Variants in AGAP1 observed in about 807,000 individuals in gnomAD.
The protein encoded by AGAP1 is arf-GAP with GTPase, ANK repeat and PH domain-containing protein 1.
A neutral mutation model predicts 105.3 loss-of-function variants in AGAP1; 29 were observed. The observed-to-expected ratio is 0.28, with a 90% CI of 0.21 to 0.38. AGAP1 has a LOEUF of 0.38. Among genes scored for constraint, AGAP1 ranks in the 10% least tolerant of loss-of-function variants. The pLI, the probability that AGAP1 is intolerant of heterozygous loss-of-function variation, is 1.00. For synonymous variants in AGAP1, 509 were observed against 485.9 expected, an observed-to-expected ratio of 1.05 and a Z score of -0.63; for missense variants, 998 against 1,165.1, an observed-to-expected ratio of 0.86 and a Z score of 2.09.
At chr2:235,520,183 C>T (rs991803788) in intron 1 of AGAP1, among the ~76,000 whole-genome samples, 9 of 152,258 alleles carry the variant, frequency 5.9e-5, no homozygotes, top group Non-Finnish European at 5.9e-5. Context: ...CACATGACCA[C>T]ATTACCACAC....
rs1389058102 is a variant in AGAP1 at position 235,993,850 on chromosome 2, C to T, written c.1645+25227C>T. 1.3e-5 allele frequency among the ~76,000 whole-genome samples: 2 copies of T among 152,182 alleles called. No homozygotes were observed. Among genetic ancestry groups the T allele is most frequent in the Non-Finnish European group, 2.9e-5 (2 of 68,042 alleles). ...CTTGGAGAAAGTGGAGTTTTAATTACTTACCCAGCAACATTCAGGACGTCC... is the reference window on the plus strand; with the variant it reads ...CTTGGAGAAAGTGGAGTTTTAATTATTTACCCAGCAACATTCAGGACGTCC... On this transcript the variant is annotated intron_variant, in intron 13 of 17. Transcript: ENST00000304032. The surrounding 1 kb of genome is among the most constrained non-coding windows in gnomAD (Gnocchi z 5.0).
chr2:236,103,704 G>A (rs1458988180), intron 16 of AGAP1, among the ~76,000 whole-genome samples: 1 of 151,958 alleles, frequency 6.6e-6, no homozygotes, highest in Non-Finnish European at 1.5e-5. Context: ...CAAGTAGCTG[G>A]GATTATAGGC....
chr2:235,729,120 G>A lies in AGAP1; in HGVS notation c.310+11476G>A, dbSNP rs1410362975. 2.6e-5 allele frequency among the ~76,000 whole-genome samples: 4 copies of A among 152,144 alleles called. No homozygotes were observed. Among genetic ancestry groups the A allele is most frequent in the Non-Finnish European group, 5.9e-5 (4 of 68,034 alleles). On this transcript the variant is annotated intron_variant, in intron 3 of 17. Transcript: ENST00000304032. This position sits in a 1 kb window ranked among gnomAD's most constrained non-coding sequence, Gnocchi z 5.0. ...CTGGCTTTGGAGGGGGACCTAAGAG[G>A]ACAGATAGGGGAATCCCCAGGCCAC... is the stretch of plus-strand genomic sequence containing the variant.
chr2:235,609,564 G>T lies in AGAP1; in HGVS notation c.164-99615G>T, dbSNP rs1473711068. On this transcript the variant is annotated intron_variant, in intron 1 of 17. Transcript: ENST00000304032. This position sits in a 1 kb window ranked among gnomAD's most constrained non-coding sequence, Gnocchi z 5.1. ...ATGTCTTGAGTTTTCAGTAGAGAAG[G>T]CCTGCTCCTCACTTTGACCCCGGAC... Among the ~76,000 whole-genome samples, 1 of 152,148 alleles carries T rather than the reference G, an allele frequency of 6.6e-6. No individual in the cohort carries two copies. Among genetic ancestry groups the T allele is most frequent in the Non-Finnish European group, 1.5e-5 (1 of 68,034 alleles).
Position 236,101,148 on chromosome 2 carries a change from T to G in AGAP1, c.2115-19044T>G, listed in dbSNP as rs2059337099. Among the ~76,000 whole-genome samples, 1 of 152,196 alleles carries G rather than the reference T, an allele frequency of 6.6e-6. No homozygotes were observed. The highest frequency in any genetic ancestry group is 2.4e-5 in the African/African-American group (1 of 41,458). On this transcript the variant is annotated intron_variant, in intron 16 of 17. Coordinates refer to ENST00000304032, the MANE Select transcript of AGAP1 (RefSeq NM_001037131.3). This position sits in a 1 kb window ranked among gnomAD's most constrained non-coding sequence, Gnocchi z 4.9. ...TTTTCAATGTGTTTCCCTTTGGTTA[T>G]TCCCCACTCCCATGCCTGTCCTCTC...
rs13032285 is a variant in AGAP1 at position 235,521,736 on chromosome 2, A to G, written c.163+26887A>G. Among the ~76,000 whole-genome samples the G allele has an allele frequency of 9.3e-3, 1,328 of 143,484 alleles. 27 individuals are homozygous for G. Among genetic ancestry groups the G allele is most frequent in the African/African-American group, 0.032 (1,214 of 37,902 alleles). The allele number at this position is 143,484 out of a possible 152,430, so 94.1% of individuals were successfully genotyped here. A position where few individuals can be genotyped will look rare whatever the true frequency, so the allele number is the denominator to read the frequency against. On this transcript the variant is annotated intron_variant, in intron 1 of 17. Transcript: ENST00000304032. Reference sequence around the variant, plus strand: ...ATCCAGTTTCTTGTTTTTGTTTGTTATATATATGTGTGTGTGTGTGTGTGT... The same window carrying G: ...ATCCAGTTTCTTGTTTTTGTTTGTTGTATATATGTGTGTGTGTGTGTGTGT...
rs559813346 is a variant in AGAP1, at chr2:235,879,916, G to A, written c.1051-3429G>A. ...ATCAGTACACTGCACTCCAACCTGG[G>A]CAACAGAGCGAGACCTTATCTCTAC... On this transcript the variant is annotated intron_variant, in intron 9 of 17. Coordinates refer to ENST00000304032, the MANE Select transcript of AGAP1 (RefSeq NM_001037131.3). This position sits in a 1 kb window ranked among gnomAD's most constrained non-coding sequence, Gnocchi z 5.0. Among the ~76,000 whole-genome samples, 1 of 152,052 alleles carries A rather than the reference G, an allele frequency of 6.6e-6. No individual in the cohort carries two copies. The highest frequency in any genetic ancestry group is 2.4e-5 in the African/African-American group (1 of 41,408).
At chr2:235,497,803 A>G (rs1289911085) in intron 1 of AGAP1, among the ~76,000 whole-genome samples, 1 of 152,042 alleles carries the variant, frequency 6.6e-6, no homozygotes. Flanking sequence ...TCATTGTGTT[A>G]GCCGGTATGG....
chr2:235,604,532 T>C (rs1199912336), intron 1 of AGAP1, among the ~76,000 whole-genome samples: 1 of 150,814 alleles, frequency 6.6e-6, no homozygotes, highest in Non-Finnish European at 1.5e-5. Flanking sequence ...TGCCAGTTCC[T>C]TTAGGTTGCA....
rs143568052 is a variant in AGAP1, at chr2:235,725,854, G to A, written c.310+8210G>A. 2.2e-3 allele frequency among the ~76,000 whole-genome samples: 339 copies of A among 152,168 alleles called. No individual in the cohort carries two copies. The highest frequency in any genetic ancestry group is 7.8e-3 in the African/African-American group (324 of 41,508). ...TGGAAGCCATCAGTGAGGATCAGGT[G>A]ATATTGTCTAAAAATAGGTAAAGGA... On this transcript the variant is annotated intron_variant, in intron 3 of 17. Transcript: ENST00000304032. The surrounding 1 kb of genome is among the most constrained non-coding windows in gnomAD (Gnocchi z 5.7).
In AGAP1 at chr2:235,957,593, A is replaced by G. The variant is rs777743725; in HGVS notation, c.1484-10869A>G. The stretch of plus-strand genomic sequence containing the variant: ...GCTGAAAGCTCCCGTCAAAAGGACT[A>G]TGCGAAGGGGTGAGGTTTTGAACCT... On this transcript the variant is annotated intron_variant, in intron 12 of 17. Coordinates refer to ENST00000304032, the MANE Select transcript of AGAP1 (RefSeq NM_001037131.3). The surrounding 1 kb of genome is among the most constrained non-coding windows in gnomAD (Gnocchi z 4.6). Among the ~76,000 whole-genome samples, 3 of 152,200 alleles carry G rather than the reference A, an allele frequency of 2.0e-5. No individual in the cohort carries two copies. The highest frequency in any genetic ancestry group is 2.1e-4 in the South Asian group (1 of 4,830).
chr2:235,594,867 C>T (rs1574926567), intron 1 of AGAP1, among the ~76,000 whole-genome samples: 2 of 149,436 alleles, frequency 1.3e-5, no homozygotes, highest in South Asian at 4.2e-4. Context: ...AGCCACTGCG[C>T]CCGGCCCAGA....
Position 235,740,934 on chromosome 2 carries a change from T to C in AGAP1, c.311-29T>C. The C allele has an allele frequency of 6.2e-7, 1 of 1,614,088 alleles. No homozygotes were observed. The highest frequency in any genetic ancestry group is 8.5e-7 in the Non-Finnish European group (1 of 1,179,934). ...CCCTCCTCACTCTCTGTTGTTCTCG[T>C]GTAACGAGATGTTTTGTGTGTGTGG... On this transcript the variant is annotated intron_variant, in intron 3 of 17. Transcript: ENST00000304032. The surrounding 1 kb of genome is among the most constrained non-coding windows in gnomAD (Gnocchi z 5.7).
rs1946451046 is a variant in AGAP1, at chr2:235,620,740, C to T, written c.164-88439C>T. Among the ~76,000 whole-genome samples, 1 of 152,238 alleles carries T rather than the reference C, an allele frequency of 6.6e-6. No individual in the cohort carries two copies. Among genetic ancestry groups the T allele is most frequent in the African/African-American group, 2.4e-5 (1 of 41,464 alleles). On this transcript the variant is annotated intron_variant, in intron 1 of 17. Coordinates refer to ENST00000304032, the MANE Select transcript of AGAP1 (RefSeq NM_001037131.3). The surrounding 1 kb of genome is among the most constrained non-coding windows in gnomAD (Gnocchi z 4.5). The stretch of plus-strand genomic sequence containing the variant: ...GCTTGTGTTTGCCGTTTCCCCAGCA[C>T]CTAGACAGGACCTAGCCAATGCTAG...
rs139989024 is a variant in AGAP1, at chr2:235,731,512, G to A, written c.311-9451G>A. On this transcript the variant is annotated intron_variant, in intron 3 of 17. Coordinates refer to ENST00000304032, the MANE Select transcript of AGAP1 (RefSeq NM_001037131.3). ...AGCATGGAATTATGGCTGCGTATTA[G>A]GAAGAGGCCTGGCTTTCCTGTGGGA... 1.5e-3 allele frequency among the ~76,000 whole-genome samples: 231 copies of A among 152,330 alleles called. 2 individuals are homozygous for A. The highest frequency in any genetic ancestry group is 5.4e-3 in the African/African-American group (223 of 41,576).
At chr2:235,571,958 GTA>G (rs1192654891) in intron 1 of AGAP1, among the ~76,000 whole-genome samples, 27 of 107,418 alleles carry the variant, frequency 2.5e-4, no homozygotes, top group African/African-American at 1.1e-3. Context: ...GTGTGTGTGT[GTA>G]TACATATATA....
chr2:235,745,788 G>A (rs1183624711), intron 5 of AGAP1, among the ~76,000 whole-genome samples: 1 of 152,158 alleles, frequency 6.6e-6, no homozygotes, highest in African/African-American at 2.4e-5. Context: ...TTGGCTGCTT[G>A]ATCACGAACC....
At position 236,092,932 on chromosome 2, in the gene AGAP1, G is replaced by T. The variant is rs1188702530; in HGVS notation, c.2115-27260G>T. ...GCAGATGCCGCAGACAGAAACAGGAGCGGCTCCAGGCCTCCCACTGGCCAA... is the reference window on the plus strand; with the variant it reads ...GCAGATGCCGCAGACAGAAACAGGATCGGCTCCAGGCCTCCCACTGGCCAA... On this transcript the variant is annotated intron_variant, in intron 16 of 17. Coordinates refer to ENST00000304032, the MANE Select transcript of AGAP1 (RefSeq NM_001037131.3). This position sits in a 1 kb window ranked among gnomAD's most constrained non-coding sequence, Gnocchi z 4.7. Among the ~76,000 whole-genome samples, 1 of 152,206 alleles carries T rather than the reference G, an allele frequency of 6.6e-6. No individual in the cohort carries two copies. Among genetic ancestry groups the T allele is most frequent in the Non-Finnish European group, 1.5e-5 (1 of 68,040 alleles).
chr2:235,505,498 G>T (rs981753581), intron 1 of AGAP1, among the ~76,000 whole-genome samples: 5 of 152,208 alleles, frequency 3.3e-5, no homozygotes, highest in Non-Finnish European at 7.3e-5. Context: ...AGGGGAAGTG[G>T]CTAATGTGAG....
Sources: allele counts gnomAD v4.1 joint callset (sites outside exome capture counted in the v4.1 genomes callset), GRCh38; gene constraint gnomAD v4.1.1; non-coding constraint Gnocchi (gnomAD v3.1); transcripts MANE v1.5; gene names NCBI Gene and HGNC (gene_info 2026-07-23, HGNC 2026-07-21).